The following LRP1B variants were observed in gnomAD, a reference collection of about 807,000 sequenced individuals.
LRP1B encodes low-density lipoprotein receptor-related protein 1B.
Under a neutral mutation model 556.6 loss-of-function variants are expected in LRP1B, and 217 were observed. The ratio of observed to expected loss-of-function variants is 0.39; its 90% CI spans 0.35 to 0.44. The LOEUF (loss-of-function observed/expected upper bound fraction) is 0.44. LRP1B is among the 20% of genes least tolerant of loss of function. LRP1B has a pLI of 1.00. For synonymous variants in LRP1B, 2,047 were observed against 1,865.8 expected, an observed-to-expected ratio of 1.10 and a Z score of -2.50; for missense variants, 5,053 against 5,620.8, an observed-to-expected ratio of 0.90 and a Z score of 3.23.
chr2:141,906,942 G>A (rs922461744), intron 1 of LRP1B, among the ~76,000 whole-genome samples: 2 of 151,898 alleles, frequency 1.3e-5, no homozygotes, highest in Non-Finnish European at 2.9e-5. Flanking sequence ...TTCCCATTTT[G>A]GCAGAGACAC....
Position 140,378,273 on chromosome 2 carries a change from A to G in LRP1B, c.10545T>C (p.Cys3515=). 1 of 1,606,786 alleles carries G rather than the reference A, an allele frequency of 6.2e-7. No homozygotes were observed. The highest frequency in any genetic ancestry group is 8.5e-7 in the Non-Finnish European group (1 of 1,173,728). Residue 3515 remains cysteine, a synonymous_variant, in exon 68 of 91, where the codon TGT becomes TGC. Transcript: ENST00000389484. ...SDEENCKPQT[C]TLKDFLCANG... ...TGGCACAGAGGAAATCTTTCAATGT[A>G]CATGTCTGTGGCTCTGGGGATAAAA...
chr2:141,163,293 T>C (rs1420038216), intron 7 of LRP1B, among the ~76,000 whole-genome samples: 1 of 152,070 alleles, frequency 6.6e-6, no homozygotes, highest in Non-Finnish European at 1.5e-5. Context: ...TTATAAACTT[T>C]TTTTCTGTCA....
intron 1 of LRP1B, among the ~76,000 whole-genome samples, chr2:142,109,232 T>C (rs1274837160): frequency 6.6e-6 from 1 of 152,174 alleles, no homozygotes; most frequent in Admixed American, 6.6e-5. Context: ...ATTATGGACC[T>C]CAGTGGACTA....
chr2:140,883,756 T>C, intron 25 of LRP1B, 61 bp downstream of exon 25: 1 of 1,243,264 alleles, frequency 8.0e-7, no homozygotes. Flanking sequence ...TTAAATTCAA[T>C]GTTAAATTGA....
intron 2 of LRP1B, among the ~76,000 whole-genome samples, chr2:141,751,644 A>T (rs1694117604): frequency 6.6e-6 from 1 of 151,984 alleles, no homozygotes; most frequent in Non-Finnish European, 1.5e-5. Flanking sequence ...CTCACTCCAA[A>T]GCATTTTCAT....
intron 12 of LRP1B, among the ~76,000 whole-genome samples, chr2:141,017,386 T>A (rs1337186695): frequency 1.4e-5 from 2 of 145,090 alleles, no homozygotes; most frequent in African/African-American, 2.6e-5. Context: ...TATCTTACCC[T>A]ATAGCTTCTC....
At chr2:141,074,537 A>G (rs1351860788) in intron 7 of LRP1B, among the ~76,000 whole-genome samples, 1 of 149,606 alleles carries the variant, frequency 6.7e-6, no homozygotes, top group African/African-American at 2.4e-5. Context: ...ATATGTCTGC[A>G]CATACTAAGT....
At chr2:141,018,426 A>G (rs1415915535) in intron 12 of LRP1B, among the ~76,000 whole-genome samples, 3 of 152,138 alleles carry the variant, frequency 2.0e-5, no homozygotes, top group African/African-American at 7.2e-5. Flanking sequence ...ATTAATCAGA[A>G]TTGCCTTCAA....
chr2:140,708,059 C>T lies in LRP1B; in HGVS notation c.6024-5506G>A, dbSNP rs147875193. Among the ~76,000 whole-genome samples the T allele has an allele frequency of 2.5e-3, 382 of 152,062 alleles. 1 individual carries two copies. The highest frequency in any genetic ancestry group is 8.8e-3 in the African/African-American group (366 of 41,510). On this transcript the variant is annotated intron_variant, in intron 37 of 90. Transcript: ENST00000389484. Reference sequence around the variant, plus strand: ...TAGGAGCTGATGATACAAAATAAATCGGATTTAGGTACCCTCATAAAGTCC... The same window carrying T: ...TAGGAGCTGATGATACAAAATAAATTGGATTTAGGTACCCTCATAAAGTCC...
intron 23 of LRP1B, among the ~76,000 whole-genome samples, 194 bp downstream of exon 23, chr2:140,902,726 A>G (rs1366801): frequency 0.23 from 35,032 of 152,158 alleles, 4,274 homozygotes; most frequent in Non-Finnish European, 0.26. Context: ...TAACAATTCA[A>G]TGGATAGCAA....
chr2:140,368,805 C>G (rs1467825631), intron 71 of LRP1B, among the ~76,000 whole-genome samples: 1 of 151,740 alleles, frequency 6.6e-6, no homozygotes, highest in Non-Finnish European at 1.5e-5. Flanking sequence ...AATGCCTTTA[C>G]CCAATACCTA....
rs183874542 is a variant in LRP1B, at chr2:141,584,909, G to A, written c.206-104376C>T. 5.6e-3 allele frequency among the ~76,000 whole-genome samples: 858 copies of A among 152,162 alleles called. 11 individuals are homozygous for A. The highest frequency in any genetic ancestry group is 0.019 in the African/African-American group (806 of 41,502). Reference sequence around the variant, plus strand: ...GCTGGATGTGGGGAGGGAGAGATGCGGAGTTGTTGTTCAATGGGTACAGAG... The same window carrying A: ...GCTGGATGTGGGGAGGGAGAGATGCAGAGTTGTTGTTCAATGGGTACAGAG... On this transcript the variant is annotated intron_variant, in intron 2 of 90. Transcript: ENST00000389484.
intron 3 of LRP1B, among the ~76,000 whole-genome samples, chr2:141,316,591 C>T (rs1041180471): frequency 6.6e-6 from 1 of 152,166 alleles, no homozygotes; most frequent in African/African-American, 2.4e-5. Flanking sequence ...TTTTATAAAT[C>T]TCTTACTAGT....
At chr2:141,026,143 T>G (rs770613977) in intron 11 of LRP1B, among the ~76,000 whole-genome samples, 11 of 152,094 alleles carry the variant, frequency 7.2e-5, no homozygotes, top group Non-Finnish European at 1.3e-4. Flanking sequence ...CGAATATTCA[T>G]TTTAGAACTG....
At chr2:140,274,705 A>T (rs2104953272) in intron 84 of LRP1B, 107 bp from the exon 85 acceptor site, 1 of 842,992 alleles carries the variant, frequency 1.2e-6, no homozygotes, top group East Asian at 2.7e-5. Context: ...TAATAGGTAG[A>T]TTAATTTACA....
At chr2:140,648,130 TC>T (rs1559030083) in intron 41 of LRP1B, among the ~76,000 whole-genome samples, 1 of 152,178 alleles carries the variant, frequency 6.6e-6, no homozygotes, top group Non-Finnish European at 1.5e-5. Flanking sequence ...TGAGTTCACG[TC>T]CTTTGTAGGG....
chr2:140,345,628 A>G (rs825433), intron 77 of LRP1B, among the ~76,000 whole-genome samples: 48,079 of 147,446 alleles, frequency 0.33, 8,339 homozygotes, highest in Non-Finnish European at 0.4. Flanking sequence ...AGCCCAGAAT[A>G]TGTTTGTGTA....
chr2:140,521,557 G>T (rs542034556), intron 49 of LRP1B, among the ~76,000 whole-genome samples: 1 of 152,014 alleles, frequency 6.6e-6, no homozygotes, highest in Admixed American at 6.6e-5. Context: ...GAATGGAAAT[G>T]AAAGAATGAT....
At chr2:141,871,702 GATA>G (rs1290460338) in intron 1 of LRP1B, among the ~76,000 whole-genome samples, 2 of 151,852 alleles carry the variant, frequency 1.3e-5, no homozygotes, top group East Asian at 3.9e-4. Context: ...CATATATAAA[GATA>G]ATAACTCAAA....
Sources: gnomAD v4.1 joint callset for allele counts (sites outside exome capture counted in the v4.1 genomes callset) on GRCh38, gnomAD v4.1.1 for gene constraint, MANE v1.5 for transcripts, NCBI Gene and HGNC (gene_info 2026-07-23, HGNC 2026-07-21) for gene names.